Variants in CCDC85A observed in about 807,000 individuals in gnomAD.
CCDC85A encodes the protein coiled-coil domain-containing protein 85A.
In CCDC85A, 38 loss-of-function variants were observed where a neutral mutation model predicts 50.2. That is an observed-to-expected ratio of 0.76 (90% CI 0.58 to 0.99). CCDC85A has a LOEUF of 0.99. Among genes scored for constraint, CCDC85A ranks in the 50% least tolerant of loss-of-function variants. The pLI is 0.00. For synonymous variants in CCDC85A, 366 were observed against 301.4 expected, an observed-to-expected ratio of 1.21 and a Z score of -2.22; for missense variants, 820 against 742.0, an observed-to-expected ratio of 1.11 and a Z score of -1.22.
chr2:56,265,201 A>C (rs1670384427), intron 2 of CCDC85A, among the ~76,000 whole-genome samples: 1 of 152,226 alleles, frequency 6.6e-6, no homozygotes, highest in South Asian at 2.1e-4. Context: ...AGGACAAGCC[A>C]GAGAAAAGAA....
intron 2 of CCDC85A, among the ~76,000 whole-genome samples, chr2:56,302,406 T>G (rs1353404285): frequency 2.0e-5 from 3 of 152,142 alleles, no homozygotes; most frequent in East Asian, 1.9e-4. Flanking sequence ...TTCTGAGAGA[T>G]AAATTTACTG....
At chr2:56,336,861 C>A (rs1235359292) in intron 2 of CCDC85A, among the ~76,000 whole-genome samples, 3 of 152,066 alleles carry the variant, frequency 2.0e-5, no homozygotes, top group Non-Finnish European at 4.4e-5. Flanking sequence ...AAAGGTAAAT[C>A]CATCAAGAAT....
chr2:56,231,810 G>A (rs146935097), intron 2 of CCDC85A, among the ~76,000 whole-genome samples: 5 of 152,220 alleles, frequency 3.3e-5, no homozygotes, highest in Admixed American at 6.5e-5. Flanking sequence ...CTCACTACCT[G>A]TTCTTGTCTC....
intron 2 of CCDC85A, among the ~76,000 whole-genome samples, chr2:56,333,016 C>T (rs934598167): frequency 2.0e-5 from 3 of 152,174 alleles, no homozygotes; most frequent in African/African-American, 4.8e-5. Flanking sequence ...CTATTCTAGG[C>T]ACTCAACTAT....
intron 2 of CCDC85A, among the ~76,000 whole-genome samples, chr2:56,253,972 G>T (rs1669875914): frequency 6.6e-6 from 1 of 152,090 alleles, no homozygotes; most frequent in Non-Finnish European, 1.5e-5. Flanking sequence ...GCACATATGG[G>T]TATTAAATGA....
chr2:56,383,805 A>G lies in CCDC85A; in HGVS notation c.1573-461A>G, dbSNP rs1015486157. 5.5e-6 allele frequency: 5 copies of G among 916,222 alleles called. No homozygotes were observed. The African/African-American group carries it at 7.2e-5, about 13-fold the overall frequency. The allele number at this position is 916,222 out of a possible 1,614,324, so 56.8% of individuals were successfully genotyped here. ...CACTGATATCCTTTGTTATGGATGT[A>G]TAATATAGGAACCAGGATGATCTTG... On this transcript the variant is annotated intron_variant, in intron 5 of 5. Transcript: ENST00000407595.
chr2:56,203,128 C>A (rs1048623507), intron 2 of CCDC85A, among the ~76,000 whole-genome samples: 1 of 152,096 alleles, frequency 6.6e-6, no homozygotes, highest in Admixed American at 6.6e-5. Context: ...CAAAAGCTGA[C>A]CAGAATTGCT....
chr2:56,367,231 G>A lies in CCDC85A; in HGVS notation c.1318-5113G>A, dbSNP rs77671183. 7.4e-3 allele frequency among the ~76,000 whole-genome samples: 1,122 copies of A among 152,228 alleles called. 21 individuals carry two copies. Among genetic ancestry groups the A allele is most frequent in the African/African-American group, 0.025 (1,036 of 41,546 alleles). ...CCACTGCCCTGTGCCTGCCCACAGC[G>A]TATTCTCTTTCTGCTAGTGTTGTTA... On this transcript the variant is annotated intron_variant, in intron 3 of 5. Coordinates refer to ENST00000407595, the MANE Select transcript of CCDC85A (RefSeq NM_001080433.2).
intron 2 of CCDC85A, among the ~76,000 whole-genome samples, chr2:56,338,346 T>C (rs969469234): frequency 6.6e-6 from 1 of 152,206 alleles, no homozygotes; most frequent in African/African-American, 2.4e-5. Flanking sequence ...CTATCCATCA[T>C]GTTCCCTGAG....
At chr2:56,360,483 A>G (rs569728138) in intron 3 of CCDC85A, among the ~76,000 whole-genome samples, 2 of 152,304 alleles carry the variant, frequency 1.3e-5, no homozygotes, top group Admixed American at 1.3e-4. Flanking sequence ...GGAACTTACT[A>G]CTGGTTAACC....
chr2:56,185,483 C>G (rs1397744031), intron 1 of CCDC85A, among the ~76,000 whole-genome samples: 2 of 152,202 alleles, frequency 1.3e-5, no homozygotes, highest in South Asian at 4.1e-4. Context: ...AATTCCTGTG[C>G]TTTCCCTCTC....
chr2:56,356,033 T>A (rs544107694), intron 3 of CCDC85A, among the ~76,000 whole-genome samples: 2 of 152,360 alleles, frequency 1.3e-5, no homozygotes, highest in East Asian at 3.9e-4. Context: ...CAAAGGGGGA[T>A]AATTTTTTTA....
intron 2 of CCDC85A, among the ~76,000 whole-genome samples, chr2:56,230,838 C>T (rs1573063412): frequency 6.6e-6 from 1 of 152,286 alleles, no homozygotes. Flanking sequence ...CACCGGCCCT[C>T]TGGAAGGGTC....
chr2:56,375,857 T>G lies in CCDC85A; in HGVS notation c.1494T>G (p.Ser498Arg). 10 of 1,613,812 alleles carry G rather than the reference T, an allele frequency of 6.2e-6. No homozygotes were observed. Among genetic ancestry groups the G allele is most frequent in the African/African-American group, 1.3e-5 (1 of 75,042 alleles). ...CATCAGGGGCTGATGGGAGTAACAG[T>G]TCACCCAACTCTGCAGCTAGCTTCA... is the stretch of plus-strand genomic sequence containing the variant. Reference protein sequence around the residue: ...RLSSGADGSNSSPNSAASFSG... With the variant: ...RLSSGADGSNRSPNSAASFSG... Residue 498 changes from serine (S) to arginine (R), a missense_variant, in exon 5 of 6, where the codon AGT becomes AGG. By Grantham distance (110) the Ser-to-Arg change is moderately radical. Transcript: ENST00000407595.
At chr2:56,219,421 C>T (rs890285792) in intron 2 of CCDC85A, among the ~76,000 whole-genome samples, 6 of 151,422 alleles carry the variant, frequency 4.0e-5, no homozygotes, top group East Asian at 1.9e-4. Flanking sequence ...ATTGAGTTAC[C>T]GTTGACATAT....
chr2:56,258,433 C>T (rs542311963), intron 2 of CCDC85A, among the ~76,000 whole-genome samples: 1 of 152,316 alleles, frequency 6.6e-6, no homozygotes, highest in East Asian at 1.9e-4. Context: ...ACTCTCCCTG[C>T]CATACCTCAC....
chr2:56,361,488 C>T (rs1041209583), intron 3 of CCDC85A, among the ~76,000 whole-genome samples: 3 of 151,678 alleles, frequency 2.0e-5, no homozygotes, highest in African/African-American at 7.3e-5. Flanking sequence ...AATACATTAC[C>T]CAAAAGAGGT....
intron 2 of CCDC85A, among the ~76,000 whole-genome samples, chr2:56,310,169 C>T (rs1400360288): frequency 6.6e-6 from 1 of 152,114 alleles, no homozygotes; most frequent in Non-Finnish European, 1.5e-5. Flanking sequence ...TTAGAGTTTA[C>T]AGTGAGACAG....
At position 56,184,917 on chromosome 2, in the gene CCDC85A, T is replaced by G. The variant is rs1011305500; in HGVS notation, c.276+17T>G. The G allele has an allele frequency of 4.8e-6, 7 of 1,464,450 alleles. No homozygotes were observed. In the African/African-American group the frequency reaches 7.4e-5, roughly 15 times the overall value. 90.7% of individuals were successfully genotyped at this position (1,464,450 alleles called of 1,614,324 possible). A position where few individuals can be genotyped will look rare whatever the true frequency, so the allele number is the denominator to read the frequency against. On this transcript the variant is annotated intron_variant, in intron 1 of 5. Coordinates refer to ENST00000407595, the MANE Select transcript of CCDC85A (RefSeq NM_001080433.2). ...GGCCTCAAGGTGAGCGCGGGCCAGG[T>G]GGGGAGGCGCGGCGCGGCTGGGAGC...
Sources: gnomAD v4.1 joint callset for allele counts (sites outside exome capture counted in the v4.1 genomes callset) on GRCh38, gnomAD v4.1.1 for gene constraint, MANE v1.5 for transcripts, NCBI Gene and HGNC (gene_info 2026-07-23, HGNC 2026-07-21) for gene names.